Variants in FAM47E observed in about 807,000 individuals in gnomAD.
The protein encoded by FAM47E is protein FAM47E.
FAM47E carries 32 observed loss-of-function variants against 41.6 expected under a neutral mutation model. The observed-to-expected ratio is 0.77, with a 90% CI of 0.58 to 1.03. FAM47E has a LOEUF of 1.03. Ranked by LOEUF, FAM47E falls within the 50% of genes least tolerant of loss-of-function variation. The pLI is 0.00. For synonymous variants in FAM47E, 184 were observed against 188.7 expected, an observed-to-expected ratio of 0.98 and a Z score of 0.20; for missense variants, 424 against 485.4, an observed-to-expected ratio of 0.87 and a Z score of 1.19.
At chr4:76,278,575 A>G (rs1735223743) in intron 6 of FAM47E, 2 of 319,800 alleles carry the variant, frequency 6.3e-6, no homozygotes, top group East Asian at 9.9e-5. Context: ...GTCATGAGTT[A>G]TCTTTGGGTA....
chr4:76,277,924 A>G, intron 5 of FAM47E, 145 bp from the exon 6 acceptor site: 1 of 985,848 alleles, frequency 1.0e-6, no homozygotes, highest in Non-Finnish European at 1.4e-6. Flanking sequence ...AAATCAAAGC[A>G]TGCTGAAACT....
intron 2 of FAM47E, among the ~76,000 whole-genome samples, chr4:76,227,172 C>T (rs1733412816): frequency 6.6e-6 from 1 of 152,158 alleles, no homozygotes; most frequent in Non-Finnish European, 1.5e-5. Flanking sequence ...GTTTGATGAA[C>T]TTTCCTCTTA....
chr4:76,232,279 G>C lies in FAM47E; in HGVS notation c.81+14591G>C, dbSNP rs1465320039. ...AGTCCATTTAGTTAATTCTTGCTTT[G>C]GTTGATATTCGTGAACATTTCAGCT... On this transcript the variant is annotated intron_variant, in intron 2 of 7. Transcript: ENST00000510197. 3.3e-5 allele frequency among the ~76,000 whole-genome samples: 5 copies of C among 152,004 alleles called. No homozygotes were observed. In the South Asian group the frequency reaches 1.0e-3, roughly 32 times the overall value.
In FAM47E at chr4:76,251,838, G is replaced by C. The variant is rs1418044050; in HGVS notation, c.74+18G>C. On this transcript the variant is annotated intron_variant, in intron 1 of 7. Coordinates refer to ENST00000424749, the MANE Select transcript of FAM47E (RefSeq NM_001136570.3). Reference sequence around the variant, plus strand: ...AGGTCCAGGTAAACACTCAGCGCCCGGGCCGAGGGCGCATCCCACGCGGGC... The same window carrying C: ...AGGTCCAGGTAAACACTCAGCGCCCCGGCCGAGGGCGCATCCCACGCGGGC... 6.4e-6 allele frequency: 9 copies of C among 1,409,304 alleles called. No individual in the cohort carries two copies. Among genetic ancestry groups the C allele is most frequent in the Middle Eastern group, 2.4e-4 (1 of 4,132 alleles). 87.3% of individuals were successfully genotyped at this position (1,409,304 alleles called of 1,614,324 possible). A position where few individuals can be genotyped will look rare whatever the true frequency, so the allele number is the denominator to read the frequency against.
At chr4:76,235,940 C>T (rs1237452142) in intron 2 of FAM47E, among the ~76,000 whole-genome samples, 1 of 152,220 alleles carries the variant, frequency 6.6e-6, no homozygotes, top group Non-Finnish European at 1.5e-5. Context: ...AGTTAGATAA[C>T]TTTCCCAAGG....
intron 5 of FAM47E, among the ~76,000 whole-genome samples, chr4:76,272,223 C>A (rs554207357): frequency 6.6e-6 from 1 of 152,258 alleles, no homozygotes; most frequent in South Asian, 2.1e-4. Flanking sequence ...TTCCTCAGCA[C>A]CAAGTTTCTG....
chr4:76,256,114 C>T (rs1307750649), intron 1 of FAM47E, 64 bp from the exon 2 acceptor site: 7 of 1,488,466 alleles, frequency 4.7e-6, no homozygotes, highest in Non-Finnish European at 6.3e-6. Flanking sequence ...CCACCCAAGT[C>T]CTGTGGTTAA....
intron 2 of FAM47E, among the ~76,000 whole-genome samples, chr4:76,235,768 A>G (rs538934504): frequency 6.6e-6 from 1 of 152,330 alleles, no homozygotes; most frequent in South Asian, 2.1e-4. Flanking sequence ...CATTTCAGAA[A>G]TCCTCTGCAT....
chr4:76,251,755 C>A lies in FAM47E; in HGVS notation c.9C>A (p.Asp3Glu). 2 of 1,485,912 alleles carry A rather than the reference C, an allele frequency of 1.3e-6. No individual in the cohort carries two copies. Among genetic ancestry groups the A allele is most frequent in the Non-Finnish European group, 1.8e-6 (2 of 1,124,302 alleles). 92.0% of individuals were successfully genotyped at this position (1,485,912 alleles called of 1,614,324 possible). Residue 3 changes from aspartate to glutamate, a missense_variant, in exon 1 of 8, where the codon GAC becomes GAA. By Grantham distance (45) the Asp-to-Glu change is conservative. Coordinates refer to ENST00000424749, the MANE Select transcript of FAM47E (RefSeq NM_001136570.3). ...GCGAAGCTAGGGCCACCATGGCGGACCGCAGGCGGCGGCTCCGGCCGGGGA... is the reference window on the plus strand; with the variant it reads ...GCGAAGCTAGGGCCACCATGGCGGAACGCAGGCGGCGGCTCCGGCCGGGGA... Reference protein sequence around the residue: MADRRRRLRPGTL... With the variant: MAERRRRLRPGTL...
At chr4:76,271,418 AAC>A (rs1249949067) in intron 4 of FAM47E, 148 bp from the exon 5 acceptor site, 1 of 932,792 alleles carries the variant, frequency 1.1e-6, no homozygotes, top group Non-Finnish European at 1.6e-6. Context: ...CCAAACCCCA[AAC>A]ACTTCTTGTC....
chr4:76,219,734 G>A (rs1486916575), intron 2 of FAM47E, among the ~76,000 whole-genome samples: 1 of 152,054 alleles, frequency 6.6e-6, no homozygotes, highest in Admixed American at 6.6e-5. Context: ...GTAGTGGAAT[G>A]GGGAATGGGG....
chr4:76,216,633 C>T (rs1733212380), intron 1 of FAM47E, among the ~76,000 whole-genome samples: 2 of 152,160 alleles, frequency 1.3e-5, no homozygotes, highest in Non-Finnish European at 2.9e-5. Flanking sequence ...AGTTTCTAAA[C>T]AAGGGTTTAC....
At chr4:76,248,209 T>A (rs534852033), upstream of FAM47E, among the ~76,000 whole-genome samples, 3 of 152,094 alleles carry the variant, frequency 2.0e-5, no homozygotes, top group Non-Finnish European at 4.4e-5. Flanking sequence ...CCACCGCGCC[T>A]GGCCTCTTTT....
chr4:76,275,650 A>T (rs953342653), intron 5 of FAM47E, among the ~76,000 whole-genome samples: 6 of 152,176 alleles, frequency 3.9e-5, no homozygotes, highest in Non-Finnish European at 8.8e-5. Context: ...AGAGGTAATC[A>T]ATTCCATCAA....
At chr4:76,274,591 A>AC (rs1425757212) in intron 5 of FAM47E, among the ~76,000 whole-genome samples, 3 of 152,088 alleles carry the variant, frequency 2.0e-5, no homozygotes, top group Non-Finnish European at 4.4e-5. Context: ...TATTAAAAAA[A>AC]ATTTGTTGGG....
chr4:76,230,109 T>C (rs1303774570), intron 2 of FAM47E, among the ~76,000 whole-genome samples: 9 of 152,086 alleles, frequency 5.9e-5, no homozygotes, highest in Non-Finnish European at 1.2e-4. Flanking sequence ...TTTATGTCTT[T>C]TGTGATTGGC....
chr4:76,280,383 C>T (rs1247946793), intron 7 of FAM47E, 42 bp downstream of exon 7: 2 of 1,155,708 alleles, frequency 1.7e-6, no homozygotes, highest in Non-Finnish European at 2.5e-6. Flanking sequence ...TGAGGGGCTT[C>T]ATGGCTCACA....
chr4:76,228,066 T>C (rs1005795834), intron 2 of FAM47E, among the ~76,000 whole-genome samples: 2 of 147,548 alleles, frequency 1.4e-5, no homozygotes, highest in Non-Finnish European at 3.0e-5. Flanking sequence ...TTTTTATTCA[T>C]TGTGCTAGTT....
chr4:76,264,919 G>T (rs1197792617), intron 3 of FAM47E, among the ~76,000 whole-genome samples: 3 of 152,170 alleles, frequency 2.0e-5, no homozygotes, highest in Non-Finnish European at 4.4e-5. Context: ...TGAAATTAAA[G>T]ACCTCACTGA....
Sources: allele counts gnomAD v4.1 joint callset (sites outside exome capture counted in the v4.1 genomes callset), GRCh38; gene constraint gnomAD v4.1.1; transcripts MANE v1.5; gene names NCBI Gene and HGNC (gene_info 2026-07-23, HGNC 2026-07-21).